The following P3H2 variants were observed in gnomAD, a reference collection of about 807,000 sequenced individuals.
P3H2 encodes the protein prolyl 3-hydroxylase 2, also known as leprecan-like 1.
P3H2 carries 80 observed loss-of-function variants against 87.0 expected under a neutral mutation model. The ratio of observed to expected loss-of-function variants is 0.92; its 90% CI spans 0.77 to 1.11. P3H2 has a LOEUF of 1.11. P3H2 is among the 50% of genes least tolerant of loss of function. P3H2 has a pLI of 0.00. For synonymous variants in P3H2, 367 were observed against 359.3 expected (o/e 1.02, Z -0.24); for missense variants, 1,001 against 923.9 (o/e 1.08, Z -1.08).
At chr3:190,074,839 CTGAAAGCA>C (rs1191793788) in intron 1 of P3H2, among the ~76,000 whole-genome samples, 1 of 152,156 alleles carries the variant, frequency 6.6e-6, no homozygotes, top group African/African-American at 2.4e-5. Flanking sequence ...TAAGAAAGAC[CTGAAAGCA>C]CGAGAGAAGA....
intron 1 of P3H2, among the ~76,000 whole-genome samples, chr3:190,113,101 G>A (rs1712137209): frequency 1.3e-5 from 2 of 152,200 alleles, no homozygotes; most frequent in African/African-American, 2.4e-5. Context: ...TGAAGGCAAT[G>A]GGTTTACTGC....
At chr3:190,121,509 C>G (rs1422466160), upstream of P3H2, 1 of 152,150 alleles carries the variant, frequency 6.6e-6, no homozygotes, top group Non-Finnish European at 1.5e-5. Context: ...CTTACCGCTT[C>G]TTCTCTTGGG....
intron 8 of P3H2, among the ~76,000 whole-genome samples, chr3:189,978,578 T>C (rs140865345): frequency 6.6e-6 from 1 of 152,304 alleles, no homozygotes; most frequent in East Asian, 1.9e-4. Flanking sequence ...ATTAGAAATA[T>C]GCCTTTCATG....
At chr3:189,998,547 T>G (rs1157243237) in intron 1 of P3H2, among the ~76,000 whole-genome samples, 1 of 152,342 alleles carries the variant, frequency 6.6e-6, no homozygotes. Context: ...CTTACCATTC[T>G]GTACCTTATA....
intron 1 of P3H2, among the ~76,000 whole-genome samples, chr3:190,119,547 A>G (rs1221148342): frequency 6.6e-6 from 1 of 152,168 alleles, no homozygotes; most frequent in Non-Finnish European, 1.5e-5. Flanking sequence ...ATAAAACTAG[A>G]AAGAGAGGAC....
At chr3:189,959,230 CT>C (rs5855287) in intron 14 of P3H2, among the ~76,000 whole-genome samples, 16 of 51,070 alleles carry the variant, frequency 3.1e-4, no homozygotes, top group Admixed American at 6.1e-4. Flanking sequence ...CCTGTCTCTT[CT>C]TTTTTTTTTC....
At chr3:190,062,920 C>A (rs545474088) in intron 1 of P3H2, among the ~76,000 whole-genome samples, 1 of 152,172 alleles carries the variant, frequency 6.6e-6, no homozygotes, top group African/African-American at 2.4e-5. Context: ...GAATTGGGAG[C>A]AAGAATGTGG....
intron 1 of P3H2, among the ~76,000 whole-genome samples, chr3:190,011,576 A>C (rs968450875): frequency 6.6e-6 from 1 of 152,196 alleles, no homozygotes; most frequent in Non-Finnish European, 1.5e-5. Context: ...TTAGCTGGTA[A>C]AGTTACTGAA....
chr3:190,075,284 G>A (rs1336599726), intron 1 of P3H2, among the ~76,000 whole-genome samples: 10 of 152,122 alleles, frequency 6.6e-5, no homozygotes, highest in Non-Finnish European at 1.2e-4. Flanking sequence ...TCAGGAGTTC[G>A]AGACCAGCCT....
intron 8 of P3H2, among the ~76,000 whole-genome samples, chr3:189,981,770 T>C (rs1309552039): frequency 6.6e-6 from 1 of 152,208 alleles, no homozygotes; most frequent in Non-Finnish European, 1.5e-5. Flanking sequence ...TGTGTTGGCT[T>C]ATTGGCATGA....
intron 1 of P3H2, among the ~76,000 whole-genome samples, chr3:190,064,856 G>T (rs778635600): frequency 7.2e-5 from 11 of 152,122 alleles, no homozygotes; most frequent in Non-Finnish European, 1.3e-4. Context: ...TTCTTGTTTT[G>T]TGTCAGCCAG....
At chr3:190,046,059 C>T (rs1256296959) in intron 1 of P3H2, among the ~76,000 whole-genome samples, 1 of 150,980 alleles carries the variant, frequency 6.6e-6, no homozygotes, top group South Asian at 2.1e-4. Context: ...GGAGGCAGAG[C>T]TTGCAGTGAG....
At chr3:190,089,243 T>G (rs546319347) in intron 1 of P3H2, among the ~76,000 whole-genome samples, 74 of 152,208 alleles carry the variant, frequency 4.9e-4, no homozygotes, top group Middle Eastern at 6.8e-3. Flanking sequence ...CGGGGAGGGA[T>G]AGCATTAGGA....
chr3:190,046,721 A>G (rs1323383103), intron 1 of P3H2, among the ~76,000 whole-genome samples: 1 of 152,220 alleles, frequency 6.6e-6, no homozygotes, highest in Non-Finnish European at 1.5e-5. Context: ...ACCACAGAGA[A>G]TTAAACTAAC....
At chr3:190,011,195 C>A (rs949443293) in intron 1 of P3H2, among the ~76,000 whole-genome samples, 6 of 151,718 alleles carry the variant, frequency 4.0e-5, no homozygotes, top group African/African-American at 1.5e-4. Flanking sequence ...ATTGCTTGAA[C>A]CCAGGAGGCG....
intron 1 of P3H2, among the ~76,000 whole-genome samples, chr3:190,031,577 C>A (rs1046753078): frequency 3.3e-5 from 5 of 151,308 alleles, no homozygotes. Context: ...GTAGAGGCTG[C>A]GGTGAGCCAA....
At chr3:190,050,172 C>T (rs116397600) in intron 1 of P3H2, among the ~76,000 whole-genome samples, 404 of 152,318 alleles carry the variant, frequency 2.7e-3, no homozygotes, top group African/African-American at 9.3e-3. Flanking sequence ...TTCTGTCCTA[C>T]GAAAGATCTA....
In P3H2 at chr3:189,971,722, G is replaced by A; in HGVS notation, c.1817+168C>T. On this transcript the variant is annotated intron_variant, in intron 12 of 14. Coordinates refer to ENST00000319332, the MANE Select transcript of P3H2 (RefSeq NM_018192.4). ...TGCACAATTTTTAAGATAAAAGTGA[G>A]ATGATAATGCCACTTATTGGTTATG... 3 of 627,690 alleles carry A rather than the reference G, an allele frequency of 4.8e-6. No individual in the cohort carries two copies. The South Asian group carries it at 5.5e-5, about 11-fold the overall frequency. 38.9% of individuals were successfully genotyped at this position (627,690 alleles called of 1,614,324 possible).
intron 11 of P3H2, among the ~76,000 whole-genome samples, chr3:189,972,655 G>C (rs993875800): frequency 2.0e-5 from 3 of 152,034 alleles, no homozygotes; most frequent in African/African-American, 7.3e-5. Context: ...AAATTGATTT[G>C]GAAGGGAAAA....
Sources: gnomAD v4.1 joint callset for allele counts (sites outside exome capture counted in the v4.1 genomes callset) on GRCh38, gnomAD v4.1.1 for gene constraint, MANE v1.5 for transcripts, NCBI Gene and HGNC (gene_info 2026-07-23, HGNC 2026-07-21) for gene names.